Variants in PIP5K1B observed in about 807,000 individuals in gnomAD.
PIP5K1B encodes the protein phosphatidylinositol-4-phosphate 5-kinase type 1 beta, also known as phosphatidylinositol 4-phosphate 5-kinase type-1 beta.
In PIP5K1B, 42 loss-of-function variants were observed where a neutral mutation model predicts 67.0. That is an observed-to-expected ratio of 0.63 (90% CI 0.49 to 0.81). PIP5K1B has a LOEUF of 0.81. Ranked by LOEUF, PIP5K1B falls within the 30% of genes least tolerant of loss-of-function variation. The pLI is 0.00. For missense variants in PIP5K1B, 459 were observed against 646.3 expected, an observed-to-expected ratio of 0.71 and a Z score of 3.14; for synonymous variants, 214 against 231.4, an observed-to-expected ratio of 0.92 and a Z score of 0.68.
At chr9:68,982,117 G>A in intron 14 of PIP5K1B, among the ~76,000 whole-genome samples, 1 of 152,276 alleles carries the variant, frequency 6.6e-6, no homozygotes, top group East Asian at 1.9e-4. Context: ...ACCTAGGCAG[G>A]CAGCCAGACT....
At chr9:68,764,341 C>T (rs1244624086) in intron 2 of PIP5K1B, among the ~76,000 whole-genome samples, 1 of 151,998 alleles carries the variant, frequency 6.6e-6, no homozygotes, top group Non-Finnish European at 1.5e-5. Flanking sequence ...CTATTGATTA[C>T]ATAGGATGGC....
At chr9:68,855,445 T>C (rs574097692) in intron 4 of PIP5K1B, among the ~76,000 whole-genome samples, 2 of 152,338 alleles carry the variant, frequency 1.3e-5, no homozygotes, top group South Asian at 4.1e-4. Flanking sequence ...CAGACTTGTA[T>C]GTTAGCATCT....
At chr9:68,971,092 G>A (rs1043130687) in intron 14 of PIP5K1B, among the ~76,000 whole-genome samples, 2 of 152,150 alleles carry the variant, frequency 1.3e-5, no homozygotes, top group Admixed American at 6.5e-5. Context: ...ATGGTGGTTT[G>A]CTGCACCCCT....
intron 14 of PIP5K1B, among the ~76,000 whole-genome samples, chr9:68,965,304 A>C (rs1046696732): frequency 5.3e-5 from 8 of 152,344 alleles, no homozygotes; most frequent in South Asian, 4.1e-4. Flanking sequence ...TCTAAGGTGA[A>C]GATGGGGGCA....
Position 68,960,432 on chromosome 9 carries a change from T to A in PIP5K1B, c.1502+19642T>A, listed in dbSNP as rs141917946. Among the ~76,000 whole-genome samples the A allele has an allele frequency of 6.1e-3, 923 of 152,306 alleles. 11 individuals carry two copies. Among genetic ancestry groups the A allele is most frequent in the African/African-American group, 0.021 (859 of 41,584 alleles). Reference sequence around the variant, plus strand: ...TTTCAGGTCTAGAAAATTTTCTTTTTTCCTTTTTGGTCTTTTTTTCTTAGG... The same window carrying A: ...TTTCAGGTCTAGAAAATTTTCTTTTATCCTTTTTGGTCTTTTTTTCTTAGG... On this transcript the variant is annotated intron_variant, in intron 14 of 15. Transcript: ENST00000265382.
intron 15 of PIP5K1B, among the ~76,000 whole-genome samples, chr9:69,006,875 G>A (rs909460740): frequency 6.6e-5 from 10 of 152,188 alleles, no homozygotes; most frequent in Non-Finnish European, 1.2e-4. Flanking sequence ...TTTTATGTGG[G>A]TTGTTTTGTA....
In PIP5K1B at chr9:68,940,675, G is replaced by A. The variant is rs752037154; in HGVS notation, c.1387G>A (p.Val463Ile). The change falls in exon 14 of 16, where the codon GTC becomes ATC. Residue 463 changes from valine to isoleucine, a missense_variant. Around this residue, in one of 2 missense-constraint regions of PIP5K1B, gnomAD observed 169 missense variants for 171.9 expected, o/e 0.98. Transcript: ENST00000265382. Reference sequence around the variant, plus strand: ...GGGATCCCGACACAGGCCAGACCTGGTCCCTAGCACTCCATCACTGTTTGA... The same window carrying A: ...GGGATCCCGACACAGGCCAGACCTGATCCCTAGCACTCCATCACTGTTTGA... ...ALGSRHRPDL[V>I]PSTPSLFEAA... The A allele has an allele frequency of 5.1e-5, 82 of 1,613,926 alleles. No individual in the cohort carries two copies. Among genetic ancestry groups the A allele is most frequent in the Middle Eastern group, 1.6e-4 (1 of 6,082 alleles).
intron 15 of PIP5K1B, among the ~76,000 whole-genome samples, chr9:69,000,757 G>A (rs980978242): frequency 6.6e-6 from 1 of 152,186 alleles, no homozygotes; most frequent in African/African-American, 2.4e-5. Context: ...ACATTCTGTG[G>A]TGACAACAGT....
intron 4 of PIP5K1B, among the ~76,000 whole-genome samples, chr9:68,859,993 C>T (rs1407336673): frequency 5.2e-4 from 79 of 151,950 alleles, no homozygotes; most frequent in Non-Finnish European, 2.9e-5. Flanking sequence ...TGAAATGGCT[C>T]TGTTGAGTTA....
chr9:69,002,846 G>A (rs1254116370), intron 15 of PIP5K1B, among the ~76,000 whole-genome samples: 1 of 152,154 alleles, frequency 6.6e-6, no homozygotes, highest in Non-Finnish European at 1.5e-5. Flanking sequence ...AGCTGGGCAT[G>A]GAGGCGCATA....
intron 12 of PIP5K1B, among the ~76,000 whole-genome samples, chr9:68,924,401 CAAAA>C (rs71353093): frequency 1.3e-4 from 11 of 86,772 alleles, no homozygotes; most frequent in East Asian, 3.2e-4. Flanking sequence ...CACTGCGCCT[CAAAA>C]AAAAAAAAAA....
chr9:68,887,949 G>A (rs953092696), intron 6 of PIP5K1B, among the ~76,000 whole-genome samples: 20 of 151,606 alleles, frequency 1.3e-4, no homozygotes, highest in Middle Eastern at 3.5e-3. Flanking sequence ...CTACCTGGCC[G>A]AGGGGAAGGA....
At chr9:68,833,028 T>C (rs1834401069) in intron 4 of PIP5K1B, among the ~76,000 whole-genome samples, 1 of 152,224 alleles carries the variant, frequency 6.6e-6, no homozygotes, top group African/African-American at 2.4e-5. Flanking sequence ...ATTTCTCCAG[T>C]TGACAAGTAT....
intron 1 of PIP5K1B, among the ~76,000 whole-genome samples, chr9:68,709,731 G>C (rs1827295865): frequency 6.6e-6 from 1 of 152,138 alleles, no homozygotes; most frequent in Non-Finnish European, 1.5e-5. Flanking sequence ...GGGCAACATA[G>C]CAAGACCCCA....
intron 4 of PIP5K1B, among the ~76,000 whole-genome samples, chr9:68,835,686 T>G (rs187592259): frequency 2.0e-4 from 31 of 152,320 alleles, no homozygotes; most frequent in Admixed American, 9.8e-4. Context: ...AATTGCAGAT[T>G]GGGACCCCAT....
intron 4 of PIP5K1B, among the ~76,000 whole-genome samples, chr9:68,850,135 G>A (rs1487308405): frequency 6.6e-6 from 1 of 152,150 alleles, no homozygotes; most frequent in African/African-American, 2.4e-5. Flanking sequence ...CATTCTCAAT[G>A]TATAGCTAAC....
At chr9:68,794,260 G>T (rs1832162052) in intron 2 of PIP5K1B, among the ~76,000 whole-genome samples, 1 of 152,164 alleles carries the variant, frequency 6.6e-6, no homozygotes, top group Non-Finnish European at 1.5e-5. Context: ...AGGTGAAAAA[G>T]GAACTGAAGC....
chr9:68,885,799 G>A (rs1186620471), intron 6 of PIP5K1B, among the ~76,000 whole-genome samples: 1 of 152,118 alleles, frequency 6.6e-6, no homozygotes, highest in African/African-American at 2.4e-5. Context: ...ATTAATCCAT[G>A]TAATCAGAAA....
chr9:68,908,088 A>C (rs1209022208), intron 8 of PIP5K1B, among the ~76,000 whole-genome samples: 1 of 152,226 alleles, frequency 6.6e-6, no homozygotes, highest in Non-Finnish European at 1.5e-5. Flanking sequence ...GTGGCCTCTG[A>C]GTCTCACAAG....
Sources: allele counts gnomAD v4.1 joint callset (sites outside exome capture counted in the v4.1 genomes callset), GRCh38; gene constraint gnomAD v4.1.1; regional missense constraint gnomAD v4.1.1; transcripts MANE v1.5; gene names NCBI Gene and HGNC (gene_info 2026-07-23, HGNC 2026-07-21).